USP3: variants seen among roughly 807,000 people sequenced by gnomAD.
USP3 encodes ubiquitin carboxyl-terminal hydrolase 3.
Under a neutral mutation model 72.3 loss-of-function variants are expected in USP3, and 20 were observed. The observed-to-expected ratio is 0.28, with a 90% confidence interval of 0.19 to 0.40. USP3 has a LOEUF of 0.40. Among genes scored for constraint, USP3 ranks in the 10% least tolerant of loss-of-function variants. The pLI is 1.00. For synonymous variants in USP3, 222 were observed against 225.3 expected, an observed-to-expected ratio of 0.99 and a Z score of 0.13; for missense variants, 479 against 633.9, an observed-to-expected ratio of 0.76 and a Z score of 2.62.
At chr15:63,555,332 C>A (rs1248453418) in intron 4 of USP3, among the ~76,000 whole-genome samples, 1 of 152,218 alleles carries the variant, frequency 6.6e-6, no homozygotes, top group African/African-American at 2.4e-5. Context: ...GACTATTCCG[C>A]ATGCCCCGTG....
At chr15:63,531,094 A>G (rs2152658338) in intron 1 of USP3, among the ~76,000 whole-genome samples, 1 of 152,326 alleles carries the variant, frequency 6.6e-6, no homozygotes, top group East Asian at 1.9e-4. Context: ...TCACCACTCA[A>G]AGCTTTCATG....
intron 7 of USP3, among the ~76,000 whole-genome samples, chr15:63,561,627 G>A (rs1035036264): frequency 6.6e-6 from 1 of 152,192 alleles, no homozygotes; most frequent in African/African-American, 2.4e-5. Context: ...CTCCTGCTTC[G>A]GATGGGCAAA....
At position 63,524,640 on chromosome 15, in the gene USP3, G is replaced by A. The variant is rs569544183; in HGVS notation, c.92-8007G>A. On this transcript the variant is annotated intron_variant, in intron 1 of 14. Transcript: ENST00000380324. The stretch of plus-strand genomic sequence containing the variant: ...CTTAACTCACCTGTCTGGTACCTCT[G>A]TGCTCCTTGGTGTCTCTCTGTCCCC... Among the ~76,000 whole-genome samples, 173 of 152,250 alleles carry A rather than the reference G, an allele frequency of 1.1e-3. 1 individual carries two copies. The highest frequency in any genetic ancestry group is 4.1e-3 in the African/African-American group (170 of 41,536).
chr15:63,555,232 C>T (rs533657413), intron 4 of USP3, among the ~76,000 whole-genome samples: 1 of 151,992 alleles, frequency 6.6e-6, no homozygotes, highest in African/African-American at 2.4e-5. Flanking sequence ...AAAAACATTA[C>T]CTAGATTCAT....
intron 1 of USP3, among the ~76,000 whole-genome samples, chr15:63,520,689 G>T (rs900840467): frequency 6.7e-6 from 1 of 148,980 alleles, no homozygotes; most frequent in Non-Finnish European, 1.5e-5. Context: ...TCAGCCTCCC[G>T]AGTGGCTGGG....
At position 63,574,023 on chromosome 15, in the gene USP3, T is replaced by C; in HGVS notation, c.909-23T>C. ...GAGATGGCTTCTTACTGAGATATTT[T>C]CCTGTGTGGTGATTTTGTTTAGAAA... On this transcript the variant is annotated intron_variant, in intron 9 of 14. Coordinates refer to ENST00000380324, the MANE Select transcript of USP3 (RefSeq NM_006537.4). This position sits in a 1 kb window ranked among gnomAD's most constrained non-coding sequence, Gnocchi z 4.6. 1 of 1,501,568 alleles carries C rather than the reference T, an allele frequency of 6.7e-7. No individual in the cohort carries two copies. The highest frequency in any genetic ancestry group is 9.0e-7 in the Non-Finnish European group (1 of 1,112,176). 93.0% of individuals were successfully genotyped at this position (1,501,568 alleles called of 1,614,324 possible).
chr15:63,525,112 C>T (rs749597724), intron 1 of USP3, among the ~76,000 whole-genome samples: 7 of 152,090 alleles, frequency 4.6e-5, no homozygotes, highest in Admixed American at 6.5e-5. Flanking sequence ...CAAAAGAGAG[C>T]CCCCAGAAGG....
intron 1 of USP3, among the ~76,000 whole-genome samples, chr15:63,530,842 A>G (rs2066063336): frequency 6.6e-6 from 1 of 152,214 alleles, no homozygotes; most frequent in Admixed American, 6.5e-5. Flanking sequence ...GAGTACAAAT[A>G]AAAAGCCAGC....
At chr15:63,558,669 G>T (rs1384052809) in intron 6 of USP3, among the ~76,000 whole-genome samples, 1 of 152,126 alleles carries the variant, frequency 6.6e-6, no homozygotes, top group Admixed American at 6.5e-5. Context: ...AAAGTCAGGA[G>T]TTTGAGACCA....
chr15:63,562,741 A>G (rs889759141), intron 7 of USP3, among the ~76,000 whole-genome samples, 154 bp from the exon 8 acceptor site: 1 of 152,184 alleles, frequency 6.6e-6, no homozygotes, highest in African/African-American at 2.4e-5. Flanking sequence ...GGTTTTTGAG[A>G]TGCTCTTATG....
Position 63,544,394 on chromosome 15 carries a change from G to A in USP3, c.284+7238G>A, listed in dbSNP as rs900378862. On this transcript the variant is annotated intron_variant, in intron 3 of 14. Transcript: ENST00000380324. The surrounding 1 kb of genome is among the most constrained non-coding windows in gnomAD (Gnocchi z 4.2). Reference sequence around the variant, plus strand: ...ATGAGTGAGGTCTGGTAGAAAGAAAGTAACTTTATTAACCAAAACTAGTGA... The same window carrying A: ...ATGAGTGAGGTCTGGTAGAAAGAAAATAACTTTATTAACCAAAACTAGTGA... 3.1e-6 allele frequency: 1 copy of A among 319,388 alleles called. No homozygotes were observed. Among genetic ancestry groups the A allele is most frequent in the Non-Finnish European group, 5.8e-6 (1 of 171,968 alleles). 19.8% of individuals were successfully genotyped at this position (319,388 alleles called of 1,614,324 possible).
At position 63,559,952 on chromosome 15, in the gene USP3, G is replaced by A. The variant is rs1292315637; in HGVS notation, c.629G>A (p.Ser210Asn). ...TAGRRTYHTR[S>N]QGDNNVSLVE... ...GGAAGGCGGACATACCACACCAGGA[G>A]CCAAGGGGATAACAATGTGTGAGTT... The change falls in exon 7 of 15, where the codon AGC becomes AAC. Residue 210 changes from serine to asparagine, a missense_variant. By Grantham distance (46) the Ser-to-Asn change is conservative. Transcript: ENST00000380324. 1 of 1,613,928 alleles carries A rather than the reference G, an allele frequency of 6.2e-7. No homozygotes were observed. Among genetic ancestry groups the A allele is most frequent in the Non-Finnish European group, 8.5e-7 (1 of 1,179,872 alleles).
intron 11 of USP3, among the ~76,000 whole-genome samples, chr15:63,581,345 TTGTGTGTGTG>T (rs59188081): frequency 0.015 from 1,910 of 130,116 alleles, 16 homozygotes; most frequent in African/African-American, 0.02. Flanking sequence ...GTGTTGGTTT[TTGTGTGTGTG>T]TGTGTGTGTG....
chr15:63,594,400 G>GTCAGTGGGTGCAGTGCCT lies in USP3; in HGVS notation c.*3577_*3594dup, dbSNP rs2067256047. On this transcript the variant is annotated 3_prime_UTR_variant, in exon 15 of 15. Transcript: ENST00000380324. ...CTGTAGTCCAAGGTCTCTGCGTCTCGTCAGTGGGTGCAGTGCCTTCCCCCT... is the reference window on the plus strand; with the variant it reads ...CTGTAGTCCAAGGTCTCTGCGTCTCGTCAGTGGGTGCAGTGCCTTCAGTGGGTGCAGTGCCTTCCCCCT... 1 of 152,232 alleles carries GTCAGTGGGTGCAGTGCCT rather than the reference G, an allele frequency of 6.6e-6. No homozygotes were observed. The highest frequency in any genetic ancestry group is 6.6e-5 in the Admixed American group (1 of 15,266). 9.4% of individuals were successfully genotyped at this position (152,232 alleles called of 1,614,324 possible).
intron 11 of USP3, among the ~76,000 whole-genome samples, chr15:63,581,345 TTGTGTGTGTGTGTGTGTGTGTGTG>T (rs59188081): frequency 3.8e-4 from 49 of 130,178 alleles, no homozygotes; most frequent in African/African-American, 9.3e-4. Context: ...GTGTTGGTTT[TTGTGTGTGTGTGTGTGTGTGTGTG>T]TGTGTGTGTG....
chr15:63,568,154 C>A (rs2066722498), intron 8 of USP3, among the ~76,000 whole-genome samples: 2 of 151,988 alleles, frequency 1.3e-5, no homozygotes, highest in Non-Finnish European at 2.9e-5. Flanking sequence ...GAGATCGAGA[C>A]CATCCTGGTC....
At position 63,553,833 on chromosome 15, in the gene USP3, A is replaced by T. The variant is rs2066468865; in HGVS notation, c.368+35A>T. On this transcript the variant is annotated intron_variant, in intron 4 of 14. Coordinates refer to ENST00000380324, the MANE Select transcript of USP3 (RefSeq NM_006537.4). The surrounding 1 kb of genome is among the most constrained non-coding windows in gnomAD (Gnocchi z 4.2). ...AGGCCTTTGGAAAAAGAAGGGCCTA[A>T]GAATGGGGTTGAGGAGTCTTTTAGA... is the stretch of plus-strand genomic sequence containing the variant. 2 of 1,574,826 alleles carry T rather than the reference A, an allele frequency of 1.3e-6. No homozygotes were observed. The highest frequency in any genetic ancestry group is 2.7e-5 in the African/African-American group (2 of 73,308).
chr15:63,545,206 A>G (rs1443193233), intron 3 of USP3, among the ~76,000 whole-genome samples: 1 of 152,190 alleles, frequency 6.6e-6, no homozygotes, highest in Non-Finnish European at 1.5e-5. Flanking sequence ...TACCTCCTTA[A>G]TTATATAATA....
chr15:63,534,020 C>G (rs1217519163), intron 2 of USP3: 2 of 287,676 alleles, frequency 7.0e-6, no homozygotes, highest in East Asian at 3.5e-4. Flanking sequence ...ATCAAAAGAC[C>G]TGACAAACTC....
Sources: gnomAD v4.1 joint callset for allele counts (sites outside exome capture counted in the v4.1 genomes callset) on GRCh38, gnomAD v4.1.1 for gene constraint, Gnocchi (gnomAD v3.1) non-coding constraint, MANE v1.5 for transcripts, NCBI Gene and HGNC (gene_info 2026-07-23, HGNC 2026-07-21) for gene names.